Variants in ECT2 observed in about 807,000 individuals in gnomAD.
The protein encoded by ECT2 is epithelial cell transforming 2.
ECT2 carries 61 observed loss-of-function variants against 116.9 expected under a neutral mutation model. The ratio of observed to expected loss-of-function variants is 0.52; its 90% CI spans 0.42 to 0.65. The LOEUF (loss-of-function observed/expected upper bound fraction) is 0.65. Ranked by LOEUF, ECT2 falls within the 30% of genes least tolerant of loss-of-function variation. ECT2 has a pLI of 0.00. For synonymous variants in ECT2, 358 were observed against 346.4 expected (o/e 1.03, Z -0.37); for missense variants, 937 against 1,078.7 (o/e 0.87, Z 1.84).
chr3:172,755,245 AT>A, intron 2 of ECT2, 49 bp from the exon 3 acceptor site: 1 of 1,429,098 alleles, frequency 7.0e-7, no homozygotes, highest in Non-Finnish European at 9.6e-7. Context: ...GGACCTACTG[AT>A]TGTGATGTTA....
chr3:172,820,305 A>G lies in ECT2; in HGVS notation c.*68A>G, dbSNP rs1730529377. 1.8e-6 allele frequency: 2 copies of G among 1,130,566 alleles called. No homozygotes were observed. Among genetic ancestry groups the G allele is most frequent in the South Asian group, 3.8e-5 (2 of 53,284 alleles). The allele number at this position is 1,130,566 out of a possible 1,614,324, so 70.0% of individuals were successfully genotyped here. A position where few individuals can be genotyped will look rare whatever the true frequency, so the allele number is the denominator to read the frequency against. ...CATACTCAAATAAGAAACTGACTTA[A>G]ATGGTACTTGTAATTAGCACTTGGT... On this transcript the variant is annotated 3_prime_UTR_variant, in exon 25 of 25. Coordinates refer to ENST00000392692, the MANE Select transcript of ECT2 (RefSeq NM_001258315.2).
At chr3:172,762,312 A>G (rs1164861604) in intron 8 of ECT2, 104 bp from the exon 9 acceptor site, 24 of 1,203,838 alleles carry the variant, frequency 2.0e-5, no homozygotes, top group Middle Eastern at 5.8e-4. Flanking sequence ...TTCAATAGAT[A>G]GATTATGCCA....
the ECT2 span, among the ~76,000 whole-genome samples, chr3:172,826,921 T>C: frequency 6.6e-6 from 1 of 152,214 alleles, no homozygotes; most frequent in Non-Finnish European, 1.5e-5. Context: ...AATCAGAATA[T>C]ATAATGAGCT....
chr3:172,754,014 C>T (rs952201365), intron 1 of ECT2, among the ~76,000 whole-genome samples: 1 of 152,016 alleles, frequency 6.6e-6, no homozygotes, highest in Non-Finnish European at 1.5e-5. Context: ...ACCATTGTGT[C>T]ATTGAACGTA....
chr3:172,762,668 T>C lies in ECT2; in HGVS notation c.890-23T>C, dbSNP rs769746235. On this transcript the variant is annotated intron_variant, in intron 9 of 24. Coordinates refer to ENST00000392692, the MANE Select transcript of ECT2 (RefSeq NM_001258315.2). ...GGAAATAAGTAGCTTGGCTTATTTA[T>C]GCTTATGTGCATTCCTTTTTAGGAG... 7 of 1,589,830 alleles carry C rather than the reference T, an allele frequency of 4.4e-6. No homozygotes were observed. In the African/African-American group the frequency reaches 8.2e-5, roughly 19 times the overall value.
At chr3:172,754,715 T>C in intron 2 of ECT2, 55 bp downstream of exon 2, 2 of 1,358,072 alleles carry the variant, frequency 1.5e-6, no homozygotes, top group Non-Finnish European at 2.0e-6. Context: ...TCTAAACTTA[T>C]TAGTGACTTT....
intron 21 of ECT2, among the ~76,000 whole-genome samples, chr3:172,806,445 C>G (rs942585365): frequency 4.6e-5 from 7 of 152,122 alleles, no homozygotes; most frequent in African/African-American, 1.7e-4. Context: ...AAATTTATAC[C>G]TACCTACAAC....
intron 18 of ECT2, among the ~76,000 whole-genome samples, chr3:172,795,887 T>TA (rs1431708125): frequency 6.6e-6 from 1 of 152,140 alleles, no homozygotes; most frequent in Non-Finnish European, 1.5e-5. Flanking sequence ...AAAGACTAAA[T>TA]ATACTTAGAT....
chr3:172,827,620 C>G, the ECT2 span, among the ~76,000 whole-genome samples: 4 of 152,008 alleles, frequency 2.6e-5, no homozygotes, highest in Non-Finnish European at 5.9e-5. Context: ...TTACCAGAGG[C>G]TGGGAAGGGT....
At position 172,778,588 on chromosome 3, in the gene ECT2, CTTTTTT is replaced by C. The variant is rs5854485; in HGVS notation, c.1549-3555_1549-3550del. Among the ~76,000 whole-genome samples, 12 of 59,810 alleles carry C rather than the reference CTTTTTT, an allele frequency of 2.0e-4. No homozygotes were observed. In the South Asian group the frequency reaches 6.5e-3, roughly 32 times the overall value. The allele number at this position is 59,810 out of a possible 152,430, so 39.2% of individuals were successfully genotyped here. On this transcript the variant is annotated intron_variant, in intron 14 of 24. Coordinates refer to ENST00000392692, the MANE Select transcript of ECT2 (RefSeq NM_001258315.2). Reference sequence around the variant, plus strand: ...ACTTAGTTCCTGAGCTATTAGCTATCTTTTTTTTTTTTTTTTTTTTTTTTTGAGATG... The same window carrying C: ...ACTTAGTTCCTGAGCTATTAGCTATCTTTTTTTTTTTTTTTTTTTGAGATG...
chr3:172,779,860 C>CACA (rs1440854794), intron 14 of ECT2, among the ~76,000 whole-genome samples: 1 of 150,716 alleles, frequency 6.6e-6, no homozygotes, highest in Non-Finnish European at 1.5e-5. Flanking sequence ...TGTGCCACTG[C>CACA]ACTCCAGCCT....
Position 172,762,891 on chromosome 3 carries a change from T to G in ECT2, c.1006-19T>G, listed in dbSNP as rs1418996923. The G allele has an allele frequency of 4.3e-6, 7 of 1,613,086 alleles. No individual in the cohort carries two copies. The highest frequency in any genetic ancestry group is 5.9e-6 in the Non-Finnish European group (7 of 1,179,522). ...AATAAATGTAAACTGTTTATTAAAA[T>G]GTTTTTTCTCTCACCTAGTGGTTCT... On this transcript the variant is annotated intron_variant, in intron 10 of 24. Coordinates refer to ENST00000392692, the MANE Select transcript of ECT2 (RefSeq NM_001258315.2).
downstream of ECT2, among the ~76,000 whole-genome samples, chr3:172,824,604 CT>C (rs1461541408): frequency 6.6e-6 from 1 of 152,084 alleles, no homozygotes; most frequent in East Asian, 1.9e-4. Flanking sequence ...ATGCAATACA[CT>C]TTTCTCTCCC....
In ECT2 at chr3:172,767,724, AT is replaced by A. The variant is rs1202819421; in HGVS notation, c.1292-1273del. On this transcript the variant is annotated intron_variant, in intron 12 of 24. Coordinates refer to ENST00000392692, the MANE Select transcript of ECT2 (RefSeq NM_001258315.2). ...TATATATCTATAGATATGTGTATAG[AT>A]TTTTTTTTTGAGACGGAGTCTTGCT... Among the ~76,000 whole-genome samples, 29 of 148,422 alleles carry A rather than the reference AT, an allele frequency of 2.0e-4. 1 individual carries two copies. Among genetic ancestry groups the A allele is most frequent in the African/African-American group, 7.1e-4 (28 of 39,396 alleles).
At chr3:172,828,353 G>GTGTGTGTGT in the ECT2 span, among the ~76,000 whole-genome samples, 2 of 49,880 alleles carry the variant, frequency 4.0e-5, no homozygotes, top group Non-Finnish European at 4.2e-5. Context: ...TGTGTGTGTG[G>GTGTGTGTGT]CTGTGTCTGT....
chr3:172,807,321 T>C (rs1727948335), intron 21 of ECT2, among the ~76,000 whole-genome samples: 1 of 152,196 alleles, frequency 6.6e-6, no homozygotes, highest in African/African-American at 2.4e-5. Flanking sequence ...TTCTACTATT[T>C]TCGGTCAGCA....
chr3:172,795,894 A>G lies in ECT2; in HGVS notation c.1908-6722A>G, dbSNP rs188094914. Among the ~76,000 whole-genome samples the G allele has an allele frequency of 5.0e-3, 755 of 152,318 alleles. 3 individuals carry two copies. Among genetic ancestry groups the G allele is most frequent in the Non-Finnish European group, 8.0e-3 (545 of 68,010 alleles). On this transcript the variant is annotated intron_variant, in intron 18 of 24. Coordinates refer to ENST00000392692, the MANE Select transcript of ECT2 (RefSeq NM_001258315.2). ...TTTTATAAAAAGACTAAATATACTT[A>G]GATCTGTTAATACACATAAAATTAT...
intron 16 of ECT2, among the ~76,000 whole-genome samples, chr3:172,784,179 T>C (rs1312511175): frequency 6.6e-6 from 1 of 151,930 alleles, no homozygotes; most frequent in Non-Finnish European, 1.5e-5. Flanking sequence ...CACCGGCCAA[T>C]GTCAGCCTAT....
intron 14 of ECT2, among the ~76,000 whole-genome samples, chr3:172,776,408 C>T (rs572999721): frequency 5.3e-5 from 8 of 151,964 alleles, no homozygotes; most frequent in Admixed American, 5.2e-4. Context: ...GAGAAATACC[C>T]ATAATTCCAT....
Sources: gnomAD v4.1 joint callset for allele counts (sites outside exome capture counted in the v4.1 genomes callset) on GRCh38, gnomAD v4.1.1 for gene constraint, MANE v1.5 for transcripts, NCBI Gene and HGNC (gene_info 2026-07-23, HGNC 2026-07-21) for gene names.